The following KIAA0586 variants were observed in gnomAD, a reference collection of about 807,000 sequenced individuals.
The protein encoded by KIAA0586 is KIAA0586.
KIAA0586 carries 144 observed loss-of-function variants against 169.8 expected under a neutral mutation model. That is an observed-to-expected ratio of 0.85 (90% confidence interval 0.74 to 0.97). The LOEUF is 0.97. Among genes scored for constraint, KIAA0586 ranks in the 50% least tolerant of loss-of-function variants. The pLI is 0.00. For synonymous variants in KIAA0586, 625 were observed against 612.4 expected, an observed-to-expected ratio of 1.02 and a Z score of -0.30; for missense variants, 1,854 against 1,823.0, an observed-to-expected ratio of 1.02 and a Z score of -0.31.
At chr14:58,546,063 A>T (rs929685261) in intron 30 of KIAA0586, among the ~76,000 whole-genome samples, 1 of 152,188 alleles carries the variant, frequency 6.6e-6, no homozygotes, top group African/African-American at 2.4e-5. Flanking sequence ...TACAGTCTTT[A>T]GTGTCTATTC....
chr14:58,504,462 T>A (rs1002169628), intron 27 of KIAA0586, among the ~76,000 whole-genome samples: 1 of 152,058 alleles, frequency 6.6e-6, no homozygotes, highest in African/African-American at 2.4e-5. Flanking sequence ...CATACTGAAT[T>A]TGTGATGCCT....
chr14:58,507,265 A>T (rs1170608356), intron 27 of KIAA0586, among the ~76,000 whole-genome samples: 4 of 144,894 alleles, frequency 2.8e-5, no homozygotes, highest in African/African-American at 7.6e-5. Context: ...TGTATGATTT[A>T]TATATATGTA....
intron 29 of KIAA0586, among the ~76,000 whole-genome samples, chr14:58,517,056 G>A (rs1177578522): frequency 6.6e-6 from 1 of 152,120 alleles, no homozygotes; most frequent in African/African-American, 2.4e-5. Context: ...GAAAATATAG[G>A]AGAAAATGTT....
chr14:58,451,689 A>G (rs555807443), intron 8 of KIAA0586, among the ~76,000 whole-genome samples: 3 of 152,130 alleles, frequency 2.0e-5, no homozygotes, highest in African/African-American at 7.2e-5. Context: ...GTGCTAATAT[A>G]TGAACTTTTT....
In KIAA0586 at chr14:58,518,904, G is replaced by C. The variant is rs1005850945; in HGVS notation, c.4429+6277G>C. Among the ~76,000 whole-genome samples the C allele has an allele frequency of 7.2e-5, 11 of 152,334 alleles. No individual in the cohort carries two copies. In the Middle Eastern group the frequency reaches 0.014, roughly 188 times the overall value. On this transcript the variant is annotated intron_variant, in intron 29 of 30. Transcript: ENST00000652326. ...CCCAACACTTTGAGAGGCCGAGGCA[G>C]ATGGATCACTTGAGGTCAGGAGTTC...
Position 58,466,013 on chromosome 14 carries a change from T to A in KIAA0586, c.2238T>A (p.Pro746=), listed in dbSNP as rs1439157343. The A allele has an allele frequency of 6.2e-7, 1 of 1,602,308 alleles. No individual in the cohort carries two copies. Among genetic ancestry groups the A allele is most frequent in the East Asian group, 2.2e-5 (1 of 44,812 alleles). Residue 746 remains proline (P), a synonymous_variant, in exon 15 of 31, where the codon CCT becomes CCA. Transcript: ENST00000652326. ...GTACATTGGAAGGTCATCTGATTCCTATGGCAATTCTTTTAGGTAAGAATC... is the reference window on the plus strand; with the variant it reads ...GTACATTGGAAGGTCATCTGATTCCAATGGCAATTCTTTTAGGTAAGAATC... ...FSGTLEGHLI[P]MAILLGQTQS...
chr14:58,498,871 T>C lies in KIAA0586; in HGVS notation c.4079T>C (p.Leu1360Pro). 6.2e-7 allele frequency: 1 copy of C among 1,613,116 alleles called. No homozygotes were observed. The highest frequency in any genetic ancestry group is 8.5e-7 in the Non-Finnish European group (1 of 1,179,494). The stretch of plus-strand genomic sequence containing the variant: ...GAGAACATCTTAATGGGACATTCTC[T>C]CTATATGCAGCCACCTGTCACTAAT... ...AAENILMGHS[L>P]YMQPPVTNTQ... Residue 1360 changes from leucine (L) to proline (P), a missense_variant, in exon 27 of 31, where the codon CTC becomes CCC. Transcript: ENST00000652326.
chr14:58,551,530 G>T (rs1048680540), downstream of KIAA0586, among the ~76,000 whole-genome samples: 4 of 152,146 alleles, frequency 2.6e-5, no homozygotes, highest in Non-Finnish European at 5.9e-5. Flanking sequence ...GGGAGGCCGA[G>T]GCAGGTGGGT....
intron 4 of KIAA0586, among the ~76,000 whole-genome samples, chr14:58,436,090 C>T (rs2037800699): frequency 6.6e-6 from 1 of 152,048 alleles, no homozygotes; most frequent in Non-Finnish European, 1.5e-5. Flanking sequence ...AAATTGGGAA[C>T]AAGACAAGAT....
intron 4 of KIAA0586, among the ~76,000 whole-genome samples, chr14:58,437,563 C>T (rs2037931221): frequency 6.6e-6 from 1 of 151,548 alleles, no homozygotes; most frequent in Non-Finnish European, 1.5e-5. Context: ...ATAAATTAGC[C>T]AGGTGGGGTG....
downstream of KIAA0586, among the ~76,000 whole-genome samples, chr14:58,552,603 G>C (rs2047220880): frequency 6.6e-6 from 1 of 152,162 alleles, no homozygotes; most frequent in Admixed American, 6.5e-5. Flanking sequence ...CCTAACCAAA[G>C]TTAAAACCCT....
intron 3 of KIAA0586, among the ~76,000 whole-genome samples, chr14:58,431,437 AT>A (rs958472696): frequency 3.4e-5 from 5 of 146,768 alleles, no homozygotes; most frequent in South Asian, 2.2e-4. Context: ...TAATTTTTCT[AT>A]TTTTTTTTTG....
intron 29 of KIAA0586, among the ~76,000 whole-genome samples, chr14:58,516,737 A>G (rs570105703): frequency 6.6e-6 from 1 of 152,334 alleles, no homozygotes; most frequent in East Asian, 1.9e-4. Context: ...TATACTATAT[A>G]ACTCTAAGAC....
intron 27 of KIAA0586, among the ~76,000 whole-genome samples, chr14:58,501,259 T>G (rs1249176449): frequency 6.6e-6 from 1 of 152,226 alleles, no homozygotes. Flanking sequence ...TGTGAATAAA[T>G]GTAAAGATTG....
At chr14:58,467,696 C>T (rs1442862813) in intron 15 of KIAA0586, 39 bp from the exon 16 acceptor site, 6 of 1,449,232 alleles carry the variant, frequency 4.1e-6, no homozygotes, top group South Asian at 2.5e-5. Context: ...CCCTTTTTTT[C>T]TGAACTAGTT....
At chr14:58,499,829 G>T (rs2043430768) in intron 27 of KIAA0586, among the ~76,000 whole-genome samples, 2 of 152,106 alleles carry the variant, frequency 1.3e-5, no homozygotes, top group Non-Finnish European at 2.9e-5. Flanking sequence ...AAAGTGCTGG[G>T]ATTACAGGCA....
downstream of KIAA0586, chr14:58,551,361 T>C (rs918076521): frequency 2.0e-5 from 3 of 152,356 alleles, no homozygotes; most frequent in East Asian, 3.9e-4. Flanking sequence ...ATGCTAAACA[T>C]ATATCTTAAG....
At chr14:58,475,687 T>C (rs1566859029) in intron 19 of KIAA0586, among the ~76,000 whole-genome samples, 2 of 152,306 alleles carry the variant, frequency 1.3e-5, no homozygotes, top group African/African-American at 4.8e-5. Context: ...AATATTAATA[T>C]AGTCATGAAA....
At chr14:58,427,517 G>T, upstream of KIAA0586, 1 of 1,426,802 alleles carries the variant, frequency 7.0e-7, no homozygotes, top group Non-Finnish European at 9.5e-7. Context: ...GTCTTGTGCG[G>T]CAATGTGCTA....
Sources: gnomAD v4.1 joint callset for allele counts (sites outside exome capture counted in the v4.1 genomes callset) on GRCh38, gnomAD v4.1.1 for gene constraint, MANE v1.5 for transcripts, NCBI Gene and HGNC (gene_info 2026-07-23, HGNC 2026-07-21) for gene names.